BLTP1: variants seen among roughly 807,000 people sequenced by gnomAD.
BLTP1 encodes fragile site-associated protein.
At chr4:122,288,355 T>C in the BLTP1 span, among the ~76,000 whole-genome samples, 4 of 152,072 alleles carry the variant, frequency 2.6e-5, no homozygotes, top group East Asian at 1.9e-4. Flanking sequence ...GTACATAGAG[T>C]AGACAGTCAT....
At chr4:122,201,449 A>G in the BLTP1 span, among the ~76,000 whole-genome samples, 2 of 152,312 alleles carry the variant, frequency 1.3e-5, no homozygotes, top group African/African-American at 4.8e-5. Context: ...CAAATTAGGC[A>G]TCAGCATGGC....
the BLTP1 span, among the ~76,000 whole-genome samples, chr4:122,242,490 T>G: frequency 6.6e-6 from 1 of 152,108 alleles, no homozygotes; most frequent in African/African-American, 2.4e-5. Context: ...AAAAGTAACC[T>G]GGGAGGTAAG....
chr4:122,188,730 GT>G, the BLTP1 span, among the ~76,000 whole-genome samples: 1 of 151,578 alleles, frequency 6.6e-6, no homozygotes, highest in African/African-American at 2.4e-5. Context: ...TGATTTTTAT[GT>G]TTTTTCTCAA....
chr4:122,343,886 A>G, the BLTP1 span: 1 of 847,640 alleles, frequency 1.2e-6, no homozygotes, highest in Non-Finnish European at 1.4e-6. Context: ...TATGTTATTG[A>G]AATATTTAAA....
At chr4:122,170,081 C>T in the BLTP1 span, 7 of 705,718 alleles carry the variant, frequency 9.9e-6, no homozygotes, top group African/African-American at 2.0e-5. Context: ...TCGAGGCAGG[C>T]GGATCACCTG....
the BLTP1 span, chr4:122,327,967 C>A: frequency 1.6e-6 from 1 of 627,802 alleles, no homozygotes; most frequent in Non-Finnish European, 2.4e-6. Flanking sequence ...TTCATATGTT[C>A]ATGAATCTGA....
the BLTP1 span, chr4:122,264,370 G>C: frequency 6.2e-7 from 1 of 1,611,404 alleles, no homozygotes; most frequent in Admixed American, 1.7e-5. Context: ...AGGATGATGT[G>C]GCAGGTGTAG....
chr4:122,288,645 C>A, the BLTP1 span: 1 of 238,564 alleles, frequency 4.2e-6, no homozygotes, highest in African/African-American at 2.6e-5. Flanking sequence ...GAGCAAGACT[C>A]CGTCTCTAAA....
At chr4:122,327,968 A>C in the BLTP1 span, 2 of 640,210 alleles carry the variant, frequency 3.1e-6, no homozygotes, top group Non-Finnish European at 4.7e-6. Context: ...TCATATGTTC[A>C]TGAATCTGAC....
the BLTP1 span, chr4:122,258,490 A>G: frequency 1.6e-5 from 3 of 188,678 alleles, no homozygotes; most frequent in East Asian, 5.6e-4. Flanking sequence ...TGGTCCGAGT[A>G]TCATTTGCAT....
the BLTP1 span, chr4:122,300,991 G>A: frequency 1.0e-6 from 1 of 982,224 alleles, no homozygotes; most frequent in Non-Finnish European, 1.2e-6. Flanking sequence ...CACATTATTA[G>A]TTGAAGAAAT....
the BLTP1 span, chr4:122,264,139 A>G: frequency 7.8e-7 from 1 of 1,276,532 alleles, no homozygotes. Flanking sequence ...CAATTTAATC[A>G]GTCTTGAAAT....
chr4:122,301,247 G>C, the BLTP1 span: 1 of 1,460,504 alleles, frequency 6.8e-7, no homozygotes, highest in Non-Finnish European at 9.1e-7. Flanking sequence ...GCACAAAATA[G>C]TTATTTTTTT....
the BLTP1 span, among the ~76,000 whole-genome samples, chr4:122,176,431 A>G: frequency 6.6e-6 from 1 of 152,206 alleles, no homozygotes; most frequent in Non-Finnish European, 1.5e-5. Flanking sequence ...CATTTTACCA[A>G]AATTAATAAT....
the BLTP1 span, chr4:122,225,536 C>A: frequency 6.6e-6 from 1 of 151,806 alleles, no homozygotes; most frequent in African/African-American, 2.4e-5. Context: ...GTAGTAGCAA[C>A]AAGAAAGTAA....
At chr4:122,174,322 A>G in the BLTP1 span, 2 of 985,052 alleles carry the variant, frequency 2.0e-6, no homozygotes, top group Non-Finnish European at 2.4e-6. Flanking sequence ...TTATCCATAC[A>G]AAGCAGTTAC....
the BLTP1 span, chr4:122,328,370 A>G: frequency 6.3e-7 from 1 of 1,594,322 alleles, no homozygotes; most frequent in Non-Finnish European, 8.6e-7. Context: ...GAGTAACCTT[A>G]TTTTAAGATC....
chr4:122,269,340 C>G, the BLTP1 span: 3 of 879,666 alleles, frequency 3.4e-6, no homozygotes, highest in Non-Finnish European at 4.1e-6. Flanking sequence ...CCATATAATA[C>G]TACAACAGAC....
chr4:122,351,804 C>T, the BLTP1 span, among the ~76,000 whole-genome samples: 1 of 151,938 alleles, frequency 6.6e-6, no homozygotes, highest in African/African-American at 2.4e-5. Flanking sequence ...AAAAACTCCT[C>T]GTCACAAAAA....
Sources: allele counts gnomAD v4.1 joint callset (sites outside exome capture counted in the v4.1 genomes callset), GRCh38; gene constraint gnomAD v4.1.1; transcripts MANE v1.5; gene names NCBI Gene and HGNC (gene_info 2026-07-23, HGNC 2026-07-21).